Variants in NUP210L observed in about 807,000 individuals in gnomAD.
NUP210L encodes the protein nuclear pore membrane glycoprotein 210-like.
A neutral mutation model predicts 208.5 loss-of-function variants in NUP210L; 74 were observed. That is an observed-to-expected ratio of 0.35 (90% CI 0.29 to 0.43). The LOEUF (loss-of-function observed/expected upper bound fraction) is 0.43. Among genes scored for constraint, NUP210L ranks in the 20% least tolerant of loss-of-function variants. The pLI is 1.00. For missense variants in NUP210L, 1,843 were observed against 2,289.4 expected (o/e 0.81, Z 3.98); for synonymous variants, 780 against 816.9 (o/e 0.95, Z 0.77).
chr1:154,085,362 T>TA (rs1174975442), intron 16 of NUP210L, among the ~76,000 whole-genome samples: 1 of 149,978 alleles, frequency 6.7e-6, no homozygotes, highest in Admixed American at 6.7e-5. Flanking sequence ...AAAAAATAAA[T>TA]AAATAAAATA....
At chr1:154,102,249 G>A (rs909575199) in intron 13 of NUP210L, among the ~76,000 whole-genome samples, 2 of 152,182 alleles carry the variant, frequency 1.3e-5, no homozygotes, top group Non-Finnish European at 2.9e-5. Context: ...ATCATGAAAA[G>A]TAGGTTGGGT....
chr1:154,031,687 C>T (rs1281423058), intron 27 of NUP210L, among the ~76,000 whole-genome samples: 1 of 151,386 alleles, frequency 6.6e-6, no homozygotes, highest in Non-Finnish European at 1.5e-5. Context: ...CCAATTCCAT[C>T]ATCCATGTTG....
intron 8 of NUP210L, among the ~76,000 whole-genome samples, chr1:154,128,893 C>G (rs1658114823): frequency 1.3e-5 from 2 of 152,118 alleles, no homozygotes; most frequent in African/African-American, 4.8e-5. Context: ...AACACTTTCA[C>G]TTATATCTGT....
At chr1:154,051,772 G>C (rs776207263) in intron 25 of NUP210L, among the ~76,000 whole-genome samples, 4 of 152,120 alleles carry the variant, frequency 2.6e-5, no homozygotes, top group Non-Finnish European at 4.4e-5. Context: ...CTTTGTCTGG[G>C]CTACAGGCCA....
At chr1:154,098,588 G>C (rs528969229) in intron 14 of NUP210L, among the ~76,000 whole-genome samples, 3 of 152,176 alleles carry the variant, frequency 2.0e-5, no homozygotes, top group Non-Finnish European at 4.4e-5. Context: ...AGGCCCTGGA[G>C]TTGGTAGCTC....
intron 27 of NUP210L, among the ~76,000 whole-genome samples, chr1:154,040,822 ACCT>A: frequency 6.6e-6 from 1 of 151,696 alleles, no homozygotes; most frequent in South Asian, 2.1e-4. Context: ...TGATCTCCTG[ACCT>A]CGTGATCCGC....
chr1:154,065,614 TG>T (rs1167689076), intron 17 of NUP210L, among the ~76,000 whole-genome samples: 2 of 151,550 alleles, frequency 1.3e-5, no homozygotes, highest in Non-Finnish European at 2.9e-5. Context: ...TATTTAGGGC[TG>T]GGTGTGGCAG....
chr1:154,065,912 AAAAAAAG>A (rs1408293064), intron 17 of NUP210L, among the ~76,000 whole-genome samples: 1 of 150,904 alleles, frequency 6.6e-6, no homozygotes, highest in Non-Finnish European at 1.5e-5. Context: ...AAAAAAAAAA[AAAAAAAG>A]AAAGAAAGAA....
At chr1:154,147,195 A>G (rs1296997711) in intron 2 of NUP210L, among the ~76,000 whole-genome samples, 4 of 152,180 alleles carry the variant, frequency 2.6e-5, no homozygotes, top group Non-Finnish European at 4.4e-5. Flanking sequence ...ACCAGTGATA[A>G]ATCATGCTGA....
At chr1:154,133,648 T>C (rs912773472) in intron 7 of NUP210L, among the ~76,000 whole-genome samples, 1 of 151,648 alleles carries the variant, frequency 6.6e-6, no homozygotes, top group Non-Finnish European at 1.5e-5. Context: ...AAGAGCAGTG[T>C]GGGCAACATG....
At chr1:154,060,567 A>G (rs1312125049) in exon 20 of NUP210L, 2 of 1,612,900 alleles carry the variant, frequency 1.2e-6, no homozygotes, top group Non-Finnish European at 1.7e-6. Context: ...CTTCCATGTA[A>G]GTGATGGTGA....
chr1:154,002,514 T>G (rs113765886), intron 35 of NUP210L, among the ~76,000 whole-genome samples: 102 of 152,096 alleles, frequency 6.7e-4, no homozygotes, highest in African/African-American at 1.9e-3. Flanking sequence ...GTACCTGTAA[T>G]CCCAGCTACT....
chr1:154,061,699 T>C (rs1490888687), intron 17 of NUP210L, 25 bp from the exon 18 acceptor site: 2 of 1,362,580 alleles, frequency 1.5e-6, no homozygotes, highest in Non-Finnish European at 2.1e-6. Context: ...AAAAATACCC[T>C]GTGAGAAACA....
At chr1:154,080,114 C>G (rs1655242405) in intron 16 of NUP210L, among the ~76,000 whole-genome samples, 1 of 152,098 alleles carries the variant, frequency 6.6e-6, no homozygotes, top group African/African-American at 2.4e-5. Flanking sequence ...AATCCCAGCA[C>G]TTTGGGAGGC....
At chr1:154,071,218 G>A (rs193073223) in intron 16 of NUP210L, among the ~76,000 whole-genome samples, 1 of 151,494 alleles carries the variant, frequency 6.6e-6, no homozygotes, top group Non-Finnish European at 1.5e-5. Flanking sequence ...CAATTCAGTC[G>A]CCTGAGTAGC....
At chr1:154,101,700 GGTAA>G (rs1656478600) in intron 13 of NUP210L, among the ~76,000 whole-genome samples, 2 of 152,128 alleles carry the variant, frequency 1.3e-5, no homozygotes, top group Admixed American at 6.6e-5. Flanking sequence ...AATAGAAAGT[GGTAA>G]GTATTATAGA....
chr1:154,154,086 T>C (rs143954516), intron 1 of NUP210L, among the ~76,000 whole-genome samples: 2 of 152,260 alleles, frequency 1.3e-5, no homozygotes, highest in East Asian at 3.9e-4. Context: ...AGTCAGGAAG[T>C]CATTATCCCG....
At chr1:154,135,121 G>C (rs1658469795) in intron 7 of NUP210L, among the ~76,000 whole-genome samples, 1 of 152,130 alleles carries the variant, frequency 6.6e-6, no homozygotes, top group South Asian at 2.1e-4. Flanking sequence ...AAAAATATTA[G>C]TTAAACATCT....
At chr1:154,119,906 C>A (rs894491459) in intron 10 of NUP210L, among the ~76,000 whole-genome samples, 3 of 152,144 alleles carry the variant, frequency 2.0e-5, no homozygotes, top group Non-Finnish European at 4.4e-5. Flanking sequence ...TGGGTATATA[C>A]CCAGTAATGG....
Sources: gnomAD v4.1 joint callset for allele counts (sites outside exome capture counted in the v4.1 genomes callset) on GRCh38, gnomAD v4.1.1 for gene constraint, MANE v1.5 for transcripts, NCBI Gene and HGNC (gene_info 2026-07-23, HGNC 2026-07-21) for gene names.